ZNF841: variants seen among roughly 807,000 people sequenced by gnomAD.
ZNF841 encodes TCONS_00006091.
A neutral mutation model predicts 13.0 loss-of-function variants in ZNF841; 11 were observed. That is an observed-to-expected ratio of 0.85 (90% CI 0.53 to 1.40). The LOEUF is 1.40. ZNF841 is among the 40% of genes most tolerant of loss of function. The pLI, the probability that ZNF841 is intolerant of heterozygous loss-of-function variation, is 0.00. For missense variants in ZNF841, 1,068 were observed against 1,139.5 expected, an observed-to-expected ratio of 0.94 and a Z score of 0.90; for synonymous variants, 369 against 381.6, an observed-to-expected ratio of 0.97 and a Z score of 0.38.
chr19:52,094,190 T>C (rs2088597848), intron 1 of ZNF841: 1 of 152,204 alleles, frequency 6.6e-6, no homozygotes, highest in African/African-American at 2.4e-5. Context: ...TATCTTTTGA[T>C]ACAAATACAT....
rs759079066 is a variant in ZNF841, at chr19:52,065,428, C to A, written c.2454G>T (p.Glu818Asp). The change falls in exon 7 of 7, where the codon GAG becomes GAT. Residue 818 changes from glutamate (E) to aspartate (D), a missense_variant. Coordinates refer to ENST00000594440, the MANE Select transcript of ZNF841 (RefSeq NM_001136499.2). ...CACATTCATTACATTTATAAGGTTT[C>A]TCTCCAGTATGCATCATCTGATGAT... Reference protein sequence around the residue: ...LLNHQMMHTGEKPYKCNECGK... With the variant: ...LLNHQMMHTGDKPYKCNECGK... The A allele has an allele frequency of 9.3e-6, 15 of 1,613,598 alleles. No individual in the cohort carries two copies. The Admixed American group carries it at 1.5e-4, about 16-fold the overall frequency.
intron 6 of ZNF841, among the ~76,000 whole-genome samples, chr19:52,069,074 C>A (rs1038936116): frequency 6.6e-6 from 1 of 152,098 alleles, no homozygotes; most frequent in Non-Finnish European, 1.5e-5. Context: ...TATTCATTGT[C>A]TTTTTTTGCT....
chr19:52,079,923 G>C (rs900193102), intron 4 of ZNF841, among the ~76,000 whole-genome samples: 1 of 151,330 alleles, frequency 6.6e-6, no homozygotes, highest in Non-Finnish European at 1.5e-5. Flanking sequence ...CCTGGGAGGC[G>C]GAGGTTGCGG....
intron 4 of ZNF841, among the ~76,000 whole-genome samples, chr19:52,078,121 C>A (rs2087967045): frequency 6.6e-6 from 1 of 152,070 alleles, no homozygotes; most frequent in Non-Finnish European, 1.5e-5. Flanking sequence ...GAAACCCCAT[C>A]TCTACTAAAA....
In ZNF841 at chr19:52,069,886, T is replaced by C. The variant is rs1600082841; in HGVS notation, c.272-2276A>G. Among the ~76,000 whole-genome samples the C allele has an allele frequency of 2.6e-5, 4 of 152,330 alleles. No individual in the cohort carries two copies. The South Asian group carries it at 8.3e-4, about 32-fold the overall frequency. On this transcript the variant is annotated intron_variant, in intron 6 of 6. Transcript: ENST00000594440. ...GTCATGCTGACTAAGGTAAAGCCAA[T>C]ATGCTATCTCATTATAAACATGAAA...
downstream of ZNF841, among the ~76,000 whole-genome samples, chr19:52,063,316 TA>T (rs1438061889): frequency 6.6e-6 from 1 of 152,136 alleles, no homozygotes; most frequent in East Asian, 1.9e-4. Context: ...TTTTCCTGTA[TA>T]AATTCTCTCA....
intron 4 of ZNF841, among the ~76,000 whole-genome samples, chr19:52,078,312 TATAAGCACAC>T (rs906259900): frequency 5.1e-4 from 78 of 151,478 alleles, no homozygotes; most frequent in African/African-American, 1.8e-3. Context: ...AAGATCATCA[TATAAGCACAC>T]AGAAGCACAC....
chr19:52,094,117 G>A (rs578249637), intron 1 of ZNF841, 146 bp from the exon 2 acceptor site: 4 of 152,290 alleles, frequency 2.6e-5, no homozygotes, highest in Non-Finnish European at 5.9e-5. Context: ...TCATTGGGAA[G>A]AAGAGAGTTA....
intron 6 of ZNF841, among the ~76,000 whole-genome samples, chr19:52,072,217 T>C (rs73578828): frequency 0.02 from 2,997 of 152,270 alleles, 97 homozygotes; most frequent in African/African-American, 0.068. Context: ...AAGGGAGAAG[T>C]AGTTCCACAG....
Position 52,095,385 on chromosome 19 carries a change from G to C in ZNF841, c.-270+190C>G, listed in dbSNP as rs143871765. 1.6e-3 allele frequency among the ~76,000 whole-genome samples: 240 copies of C among 152,270 alleles called. 1 individual carries two copies. The highest frequency in any genetic ancestry group is 5.4e-3 in the African/African-American group (226 of 41,562). The stretch of plus-strand genomic sequence containing the variant: ...CCAGGGGCAGACGACGGAGGAGCTC[G>C]GGGATCGCGAAGGGCGCTAGTCCAC... On this transcript the variant is annotated intron_variant, in intron 1 of 6. Coordinates refer to ENST00000594440, the MANE Select transcript of ZNF841 (RefSeq NM_001136499.2).
chr19:52,090,658 A>G (rs7247537), intron 2 of ZNF841, among the ~76,000 whole-genome samples: 17,684 of 80,888 alleles, frequency 0.22, 1,829 homozygotes, highest in South Asian at 0.42. Context: ...AAGGAAGGAA[A>G]GAAAGAAAGA....
the ZNF841 span, chr19:52,058,871 GAC>G: frequency 6.6e-5 from 10 of 152,538 alleles, no homozygotes; most frequent in Admixed American, 6.6e-5. Flanking sequence ...TTTATTTTGA[GAC>G]ACAGTTTCAC....
chr19:52,088,651 T>C (rs1221458709), intron 3 of ZNF841, among the ~76,000 whole-genome samples: 1 of 152,234 alleles, frequency 6.6e-6, no homozygotes, highest in Non-Finnish European at 1.5e-5. Flanking sequence ...AATAATTTCA[T>C]AGCCACCTCC....
chr19:52,060,712 G>A (rs2087382695), downstream of ZNF841, among the ~76,000 whole-genome samples: 1 of 152,152 alleles, frequency 6.6e-6, no homozygotes, highest in South Asian at 2.1e-4. Context: ...GTCCTTTTCA[G>A]TTATAATCCC....
At chr19:52,063,141 C>T (rs543050631), downstream of ZNF841, among the ~76,000 whole-genome samples, 4 of 152,132 alleles carry the variant, frequency 2.6e-5, no homozygotes, top group African/African-American at 9.7e-5. Flanking sequence ...TCCCAAAGTG[C>T]TGGGATTACA....
At chr19:52,074,807 C>T (rs182171453) in intron 6 of ZNF841, among the ~76,000 whole-genome samples, 37 of 152,264 alleles carry the variant, frequency 2.4e-4, no homozygotes, top group African/African-American at 6.7e-4. Flanking sequence ...GTTGAGCCAC[C>T]GTGCCCGGCA....
rs2087504225 is a variant in ZNF841, at chr19:52,065,238, A to G, written c.2644T>C (p.Cys882Arg). 1.9e-6 allele frequency: 3 copies of G among 1,613,714 alleles called. No homozygotes were observed. The highest frequency in any genetic ancestry group is 2.2e-5 in the East Asian group (1 of 44,882). Residue 882 changes from cysteine (C) to arginine (R), a missense_variant, in exon 7 of 7, where the codon TGT becomes CGT. Cys to Arg is a radical substitution (Grantham distance 180). Coordinates refer to ENST00000594440, the MANE Select transcript of ZNF841 (RefSeq NM_001136499.2). ...SSEKPYKCNE[C>R]GKSYISRSGL... ...GAGCGACTAATGTAAGATTTGCCAC[A>G]CTCATTACATTTATAAGGTTTTTCA...
downstream of ZNF841, among the ~76,000 whole-genome samples, chr19:52,061,892 C>T (rs2043296): frequency 0.15 from 23,444 of 151,978 alleles, 2,122 homozygotes; most frequent in South Asian, 0.3. Flanking sequence ...GGGTGAAGAG[C>T]GACCATCCCT....
chr19:52,089,908 T>C (rs2088415528), intron 2 of ZNF841, among the ~76,000 whole-genome samples: 1 of 152,018 alleles, frequency 6.6e-6, no homozygotes. Context: ...GGCTAAAAGG[T>C]ACAGGATCTC....
Sources: gnomAD v4.1 joint callset for allele counts (sites outside exome capture counted in the v4.1 genomes callset) on GRCh38, gnomAD v4.1.1 for gene constraint, MANE v1.5 for transcripts, NCBI Gene and HGNC (gene_info 2026-07-23, HGNC 2026-07-21) for gene names.